PLEKHA5: variants seen among roughly 807,000 people sequenced by gnomAD.
The protein encoded by PLEKHA5 is pleckstrin homology domain containing A5, also known as pleckstrin homology domain-containing family A member 5.
In PLEKHA5, 55 loss-of-function variants were observed where a neutral mutation model predicts 181.9. The observed-to-expected ratio is 0.30, with a 90% CI of 0.24 to 0.38. The LOEUF is 0.38. PLEKHA5 is among the 10% of genes least tolerant of loss of function. The pLI, the probability that PLEKHA5 is intolerant of heterozygous loss-of-function variation, is 1.00. For missense variants in PLEKHA5, 1,432 were observed against 1,549.5 expected, an observed-to-expected ratio of 0.92 and a Z score of 1.27; for synonymous variants, 535 against 529.4, an observed-to-expected ratio of 1.01 and a Z score of -0.15.
intron 3 of PLEKHA5, among the ~76,000 whole-genome samples, chr12:19,142,513 A>T (rs2037679434): frequency 6.6e-6 from 1 of 152,156 alleles, no homozygotes; most frequent in South Asian, 2.1e-4. Context: ...ATTAGTGTGA[A>T]TTTTTTCTCT....
At chr12:19,252,959 A>ATACT in intron 3 of PLEKHA5, among the ~76,000 whole-genome samples, 1 of 151,782 alleles carries the variant, frequency 6.6e-6, no homozygotes, top group African/African-American at 2.4e-5. Flanking sequence ...GGAGGTAAGT[A>ATACT]GACACTCATA....
At chr12:19,355,761 T>A (rs1393354235) in intron 26 of PLEKHA5, among the ~76,000 whole-genome samples, 1 of 152,146 alleles carries the variant, frequency 6.6e-6, no homozygotes, top group Non-Finnish European at 1.5e-5. Context: ...GTAATACTAT[T>A]GTTTGTTCAG....
intron 6 of PLEKHA5, among the ~76,000 whole-genome samples, chr12:19,258,561 C>CTTTTTTTTTTTTTTT (rs71440398): frequency 8.1e-6 from 1 of 123,798 alleles, no homozygotes; most frequent in Non-Finnish European, 1.6e-5. Context: ...TTTTCTTTTT[C>CTTTTTTTTTTTTTTT]TTTTTTTTTT....
intron 3 of PLEKHA5, among the ~76,000 whole-genome samples, chr12:19,144,671 AAT>A (rs1375773989): frequency 6.6e-6 from 1 of 152,202 alleles, no homozygotes; most frequent in African/African-American, 2.4e-5. Flanking sequence ...TGTTTGAAGC[AAT>A]GTATTCAAAA....
Position 19,290,801 on chromosome 12 carries a change from G to A in PLEKHA5, c.1983+5G>A. On this transcript the variant is annotated splice_donor_5th_base_variant and intron_variant, in intron 14 of 31. Transcript: ENST00000429027. The stretch of plus-strand genomic sequence containing the variant: ...CTTGAGGCCCACAGCCCAAAGGTCA[G>A]CTATGGAGAGATTTGTCTGTGTCGT... 6.6e-7 allele frequency: 1 copy of A among 1,525,070 alleles called. No individual in the cohort carries two copies. Among genetic ancestry groups the A allele is most frequent in the Non-Finnish European group, 8.8e-7 (1 of 1,139,432 alleles). 94.5% of individuals were successfully genotyped at this position (1,525,070 alleles called of 1,614,324 possible).
chr12:19,227,483 C>G (rs1160118490), intron 3 of PLEKHA5, among the ~76,000 whole-genome samples: 1 of 152,004 alleles, frequency 6.6e-6, no homozygotes, highest in African/African-American at 2.4e-5. Context: ...GATAAGTATT[C>G]CAGGGTTGGA....
chr12:19,317,882 T>C (rs1022428050), intron 16 of PLEKHA5, among the ~76,000 whole-genome samples: 1 of 151,124 alleles, frequency 6.6e-6, no homozygotes, highest in Non-Finnish European at 1.5e-5. Context: ...GCTTTTCTAG[T>C]GTTGCTAAGG....
intron 16 of PLEKHA5, among the ~76,000 whole-genome samples, chr12:19,315,942 C>A (rs1217572641): frequency 6.6e-6 from 1 of 151,722 alleles, no homozygotes; most frequent in Non-Finnish European, 1.5e-5. Context: ...TGAAAATAGT[C>A]TCAAATTTGC....
chr12:19,250,395 A>T (rs1013447752), intron 3 of PLEKHA5, among the ~76,000 whole-genome samples: 6 of 151,832 alleles, frequency 4.0e-5, no homozygotes, highest in African/African-American at 9.7e-5. Flanking sequence ...GACCAGCCTG[A>T]CCAACATGGT....
intron 22 of PLEKHA5, 97 bp from the exon 23 acceptor site, chr12:19,345,745 C>T (rs1462627188): frequency 1.6e-6 from 1 of 614,654 alleles, no homozygotes; most frequent in East Asian, 3.3e-5. Flanking sequence ...CTTGGGCAAA[C>T]AGCAAGACTT....
chr12:19,373,020 A>G (rs1263924812), intron 31 of PLEKHA5: 2 of 152,136 alleles, frequency 1.3e-5, no homozygotes, highest in African/African-American at 2.4e-5. Flanking sequence ...TGCCCGCCTC[A>G]ATCTCCCAAA....
intron 3 of PLEKHA5, among the ~76,000 whole-genome samples, chr12:19,144,994 G>A (rs928236441): frequency 6.6e-6 from 1 of 152,122 alleles, no homozygotes; most frequent in Non-Finnish European, 1.5e-5. Flanking sequence ...GTATCTTAAG[G>A]CTAGATTACT....
chr12:19,346,586 T>C (rs1592580870), intron 23 of PLEKHA5, among the ~76,000 whole-genome samples: 1 of 152,150 alleles, frequency 6.6e-6, no homozygotes, highest in South Asian at 2.1e-4. Context: ...CAGTGAGCTA[T>C]GTATGATCAA....
intron 3 of PLEKHA5, among the ~76,000 whole-genome samples, chr12:19,199,069 T>C (rs576402107): frequency 6.6e-6 from 1 of 152,284 alleles, no homozygotes; most frequent in African/African-American, 2.4e-5. Flanking sequence ...AAGTAGATGC[T>C]AAGGATTTAT....
intron 25 of PLEKHA5, among the ~76,000 whole-genome samples, chr12:19,353,569 C>T (rs949412434): frequency 1.3e-5 from 2 of 152,156 alleles, no homozygotes; most frequent in East Asian, 1.9e-4. Flanking sequence ...AAGTGATTCT[C>T]CTGCCTCAGC....
chr12:19,171,761 T>A (rs1049243698), intron 3 of PLEKHA5, among the ~76,000 whole-genome samples: 3 of 152,240 alleles, frequency 2.0e-5, no homozygotes, highest in Admixed American at 1.3e-4. Context: ...ACAAAAATGT[T>A]TTCTTTATAT....
chr12:19,269,326 G>T (rs995559323), intron 8 of PLEKHA5, among the ~76,000 whole-genome samples: 5 of 149,328 alleles, frequency 3.3e-5, no homozygotes, highest in African/African-American at 1.2e-4. Flanking sequence ...GGCAGATGTT[G>T]CAGTGAACCA....
intron 29 of PLEKHA5, among the ~76,000 whole-genome samples, chr12:19,363,865 G>A (rs184028794): frequency 3.2e-3 from 488 of 152,248 alleles, no homozygotes; most frequent in Non-Finnish European, 4.8e-3. Context: ...AAACAGAAAT[G>A]CTGTGGTTTA....
rs1398573866 is a variant in PLEKHA5, at chr12:19,200,284, T to A, written c.228-53656T>A. The A allele has an allele frequency of 4.8e-6, 7 of 1,450,534 alleles. No homozygotes were observed. The African/African-American group carries it at 8.5e-5, about 18-fold the overall frequency. 89.9% of individuals were successfully genotyped at this position (1,450,534 alleles called of 1,614,324 possible). On this transcript the variant is annotated intron_variant, in intron 3 of 31. Transcript: ENST00000429027. Reference sequence around the variant, plus strand: ...ATATTATGTACCAATAAAAAAAAATTTAAACATTAAAACAATTTTTTTTAT... The same window carrying A: ...ATATTATGTACCAATAAAAAAAAATATAAACATTAAAACAATTTTTTTTAT...
Sources: gnomAD v4.1 joint callset for allele counts (sites outside exome capture counted in the v4.1 genomes callset) on GRCh38, gnomAD v4.1.1 for gene constraint, MANE v1.5 for transcripts, NCBI Gene and HGNC (gene_info 2026-07-23, HGNC 2026-07-21) for gene names.